TRAPPC9: variants seen among roughly 807,000 people sequenced by gnomAD.
TRAPPC9 encodes IKK2 binding protein.
In TRAPPC9, 83 loss-of-function variants were observed where a neutral mutation model predicts 124.0. The observed-to-expected ratio is 0.67, with a 90% CI of 0.56 to 0.80. The LOEUF is 0.80. Ranked by LOEUF, TRAPPC9 falls within the 30% of genes least tolerant of loss-of-function variation. The pLI, the probability that TRAPPC9 is intolerant of heterozygous loss-of-function variation, is 0.00. For synonymous variants in TRAPPC9, 638 were observed against 617.5 expected, an observed-to-expected ratio of 1.03 and a Z score of -0.49; for missense variants, 1,302 against 1,508.3, an observed-to-expected ratio of 0.86 and a Z score of 2.27.
chr8:139,831,903 C>T (rs925040304), intron 21 of TRAPPC9, among the ~76,000 whole-genome samples: 2 of 152,236 alleles, frequency 1.3e-5, no homozygotes, highest in Non-Finnish European at 1.5e-5. Context: ...CCGCCCACTC[C>T]GTCACGTTGC....
chr8:139,937,242 GAA>G (rs1485120825), intron 19 of TRAPPC9, among the ~76,000 whole-genome samples: 1 of 152,202 alleles, frequency 6.6e-6, no homozygotes. Context: ...AAGAGGCACA[GAA>G]GAGTGAACAC....
intron 17 of TRAPPC9, among the ~76,000 whole-genome samples, chr8:140,184,549 C>T (rs1275393698): frequency 6.6e-6 from 1 of 152,172 alleles, no homozygotes; most frequent in African/African-American, 2.4e-5. Context: ...AATTCTCCTG[C>T]CTCAGCCTCC....
chr8:139,865,364 A>T (rs998907070), intron 21 of TRAPPC9, among the ~76,000 whole-genome samples: 9 of 152,182 alleles, frequency 5.9e-5, no homozygotes, highest in Admixed American at 5.9e-4. Flanking sequence ...TTCACAAAAC[A>T]AGTATTTGTT....
chr8:139,792,297 G>C (rs926819685), intron 21 of TRAPPC9, among the ~76,000 whole-genome samples: 1 of 152,146 alleles, frequency 6.6e-6, no homozygotes, highest in African/African-American at 2.4e-5. Flanking sequence ...ATGCCTAAGT[G>C]GCATGCTGAG....
Position 140,397,740 on chromosome 8 carries a change from C to G in TRAPPC9, c.1014G>C (p.Lys338Asn). The change falls in exon 7 of 23, where the codon AAG (lysine) becomes AAC (asparagine). Residue 338 changes from lysine to asparagine, a missense_variant. Lys to Asn is a moderately conservative substitution (Grantham distance 94, BLOSUM62 0). This residue lies in a region of TRAPPC9 where 657 missense variants were observed against 811.2 expected (regional missense o/e 0.81). Coordinates refer to ENST00000438773, the MANE Select transcript of TRAPPC9 (RefSeq NM_001160372.4). ...CTTCCAACTCAATCACTCCCGCATT[C>G]TTATACTGCAGGGTGTAAAGGAAAT... ...KEAISYYSKY[K>N]NAGVIELEAC... 6.2e-7 allele frequency: 1 copy of G among 1,614,134 alleles called. No homozygotes were observed. Among genetic ancestry groups the G allele is most frequent in the Non-Finnish European group, 8.5e-7 (1 of 1,180,004 alleles).
intron 19 of TRAPPC9, among the ~76,000 whole-genome samples, chr8:139,918,492 C>T (rs979500412): frequency 1.3e-5 from 2 of 152,230 alleles, no homozygotes; most frequent in African/African-American, 4.8e-5. Context: ...GGAAATTACC[C>T]GCCAGTCACC....
intron 4 of TRAPPC9, among the ~76,000 whole-genome samples, chr8:140,429,978 C>G (rs2070576280): frequency 6.6e-6 from 1 of 151,722 alleles, no homozygotes; most frequent in Non-Finnish European, 1.5e-5. Context: ...GAAACCGTGT[C>G]TCCACTAAAC....
At chr8:140,242,192 C>T (rs565922416) in intron 16 of TRAPPC9, among the ~76,000 whole-genome samples, 1 of 151,718 alleles carries the variant, frequency 6.6e-6, no homozygotes, top group East Asian at 1.9e-4. Flanking sequence ...TACATAGAGA[C>T]TTAGACACCA....
At chr8:139,748,547 G>A (rs113853797) in intron 21 of TRAPPC9, among the ~76,000 whole-genome samples, 47 of 146,388 alleles carry the variant, frequency 3.2e-4, no homozygotes, top group Middle Eastern at 3.4e-3. Flanking sequence ...GGGTCAGAGC[G>A]GGTGTGTGGA....
chr8:140,038,419 G>C (rs765842217), intron 17 of TRAPPC9, among the ~76,000 whole-genome samples: 2 of 152,240 alleles, frequency 1.3e-5, no homozygotes, highest in Non-Finnish European at 2.9e-5. Flanking sequence ...CCTCACTCTA[G>C]AGGGTGGAAA....
intron 10 of TRAPPC9, among the ~76,000 whole-genome samples, chr8:140,306,364 C>T (rs973921515): frequency 5.9e-5 from 9 of 151,784 alleles, no homozygotes; most frequent in Non-Finnish European, 2.9e-5. Context: ...CATGGTGGCA[C>T]GCACCTGTAG....
intron 21 of TRAPPC9, among the ~76,000 whole-genome samples, chr8:139,852,533 G>A (rs947352343): frequency 2.0e-5 from 3 of 152,184 alleles, no homozygotes; most frequent in African/African-American, 7.2e-5. Flanking sequence ...CTTGTGGGCA[G>A]TTTCCAAATG....
chr8:139,994,028 CATTT>C (rs758120093), intron 18 of TRAPPC9, among the ~76,000 whole-genome samples: 6 of 152,090 alleles, frequency 3.9e-5, no homozygotes, highest in Non-Finnish European at 8.8e-5. Context: ...ACCTCCTAGA[CATTT>C]ATTTATGTTT....
chr8:139,863,054 C>T (rs992791604), intron 21 of TRAPPC9, among the ~76,000 whole-genome samples: 3 of 152,242 alleles, frequency 2.0e-5, no homozygotes, highest in African/African-American at 7.2e-5. Flanking sequence ...GCTCCCATCT[C>T]AGGAGACAGT....
intron 19 of TRAPPC9, among the ~76,000 whole-genome samples, chr8:139,953,680 GTA>G (rs1383057156): frequency 2.6e-5 from 4 of 152,268 alleles, no homozygotes; most frequent in African/African-American, 9.6e-5. Flanking sequence ...TGTATCTAGA[GTA>G]TGTGACGATC....
At position 139,730,692 on chromosome 8, in the gene TRAPPC9, C is replaced by A. The variant is rs559828056; in HGVS notation, c.*369G>T. 1.5e-5 allele frequency: 4 copies of A among 266,450 alleles called. No homozygotes were observed. The highest frequency in any genetic ancestry group is 1.5e-4 in the Admixed American group (3 of 20,422). 16.5% of individuals were successfully genotyped at this position (266,450 alleles called of 1,614,324 possible). A position where few individuals can be genotyped will look rare whatever the true frequency, so the allele number is the denominator to read the frequency against. ...CTATGGCCAAAGGGAAGTCGCTGGA[C>A]GAGGGAGGTCCCTCTGCTGGGATGA... is the stretch of plus-strand genomic sequence containing the variant. On this transcript the variant is annotated 3_prime_UTR_variant, in exon 23 of 23. Coordinates refer to ENST00000438773, the MANE Select transcript of TRAPPC9 (RefSeq NM_001160372.4).
intron 21 of TRAPPC9, among the ~76,000 whole-genome samples, chr8:139,832,788 C>T (rs1226842830): frequency 6.6e-6 from 1 of 152,118 alleles, no homozygotes; most frequent in Non-Finnish European, 1.5e-5. Context: ...TGGGGAGCTC[C>T]AAGATGACCC....
intron 19 of TRAPPC9, among the ~76,000 whole-genome samples, chr8:139,980,950 A>G (rs1333126503): frequency 2.9e-4 from 44 of 152,320 alleles, no homozygotes. Flanking sequence ...TGAGGAACAA[A>G]GAGGCGCGTG....
chr8:139,966,286 A>G (rs1267469420), intron 19 of TRAPPC9, among the ~76,000 whole-genome samples: 2 of 152,206 alleles, frequency 1.3e-5, no homozygotes, highest in African/African-American at 4.8e-5. Flanking sequence ...TTCCCGGCAC[A>G]CGGAGTGGTG....
Sources: allele counts gnomAD v4.1 joint callset (sites outside exome capture counted in the v4.1 genomes callset), GRCh38; gene constraint gnomAD v4.1.1; regional missense constraint gnomAD v4.1.1; transcripts MANE v1.5; gene names NCBI Gene and HGNC (gene_info 2026-07-23, HGNC 2026-07-21).